USP34: variants seen among roughly 807,000 people sequenced by gnomAD.
USP34 encodes the protein ubiquitin specific peptidase 34.
In USP34, 70 loss-of-function variants were observed where a neutral mutation model predicts 460.3. The observed-to-expected ratio is 0.15, with a 90% CI of 0.13 to 0.19. The LOEUF is 0.19. Among genes scored for constraint, USP34 ranks in the 10% least tolerant of loss-of-function variants. The probability of loss-of-function intolerance (pLI) is 1.00; values close to 1 mark genes in which losing one functional copy is unlikely to be tolerated. For synonymous variants in USP34, 1,647 were observed against 1,405.3 expected (o/e 1.17, Z -3.85); for missense variants, 3,985 against 4,236.2 (o/e 0.94, Z 1.65).
chr2:61,259,554 A>T (rs1334925249), intron 44 of USP34, among the ~76,000 whole-genome samples, 157 bp downstream of exon 44: 1 of 147,160 alleles, frequency 6.8e-6, no homozygotes, highest in Admixed American at 6.8e-5. Context: ...TGCCTGGCTT[A>T]TTTTTTTTTT....
In USP34 at chr2:61,187,754, G is replaced by A; in HGVS notation, c.*348C>T. 1.9e-6 allele frequency: 1 copy of A among 525,776 alleles called. No homozygotes were observed. The highest frequency in any genetic ancestry group is 2.6e-6 in the Non-Finnish European group (1 of 388,448). The allele number at this position is 525,776 out of a possible 1,614,324, so 32.6% of individuals were successfully genotyped here. The stretch of plus-strand genomic sequence containing the variant: ...TATAAGGTACAAAACTGGCACAGAG[G>A]ACACCATATCATACACAGTAAAAAT... On this transcript the variant is annotated 3_prime_UTR_variant, in exon 80 of 80. Coordinates refer to ENST00000398571, the MANE Select transcript of USP34 (RefSeq NM_014709.4).
chr2:61,239,300 TCACACACA>T (rs60152908), intron 53 of USP34, among the ~76,000 whole-genome samples: 3,718 of 132,782 alleles, frequency 0.028, 91 homozygotes, highest in African/African-American at 0.072. Context: ...GAGGGCCCTG[TCACACACA>T]CACACACACA....
chr2:61,270,635 C>T (rs1394109052), intron 41 of USP34, among the ~76,000 whole-genome samples: 1 of 152,040 alleles, frequency 6.6e-6, no homozygotes, highest in East Asian at 1.9e-4. Context: ...TGGGTTTCAC[C>T]ACATTGGCCA....
chr2:61,228,209 T>G (rs1687786059), intron 61 of USP34, among the ~76,000 whole-genome samples: 2 of 152,202 alleles, frequency 1.3e-5, no homozygotes, highest in East Asian at 3.8e-4. Context: ...TGCAAGTAGA[T>G]CATACAACCT....
At chr2:61,452,917 A>G (rs547248184) in intron 1 of USP34, among the ~76,000 whole-genome samples, 2 of 149,046 alleles carry the variant, frequency 1.3e-5, no homozygotes, top group Non-Finnish European at 3.0e-5. Flanking sequence ...AAAAAAAAAA[A>G]AAAAAAAAAA....
At chr2:61,239,522 C>A (rs1688184191) in intron 53 of USP34, among the ~76,000 whole-genome samples, 1 of 152,036 alleles carries the variant, frequency 6.6e-6, no homozygotes, top group African/African-American at 2.4e-5. Flanking sequence ...AAAGGCTGTG[C>A]ACAAAAATGA....
intron 58 of USP34, among the ~76,000 whole-genome samples, chr2:61,231,332 G>A (rs1228959162): frequency 1.3e-5 from 2 of 152,040 alleles, no homozygotes; most frequent in Non-Finnish European, 2.9e-5. Flanking sequence ...AAATTAGGTA[G>A]TAGTGATGGC....
chr2:61,361,299 T>C (rs545333878), intron 10 of USP34, among the ~76,000 whole-genome samples: 1 of 152,288 alleles, frequency 6.6e-6, no homozygotes, highest in African/African-American at 2.4e-5. Flanking sequence ...CATGCTCTTG[T>C]AGTCCTAGCT....
chr2:61,369,553 G>C (rs564795312), intron 10 of USP34, among the ~76,000 whole-genome samples: 1 of 141,554 alleles, frequency 7.1e-6, no homozygotes, highest in East Asian at 2.3e-4. Flanking sequence ...TGAGGCAGGA[G>C]AATCACTTGA....
intron 1 of USP34, among the ~76,000 whole-genome samples, chr2:61,468,593 T>C (rs1325303946): frequency 6.6e-6 from 1 of 152,254 alleles, no homozygotes; most frequent in African/African-American, 2.4e-5. Flanking sequence ...TAGAGTCCAC[T>C]GGCTTACACA....
At chr2:61,446,270 T>C (rs554023190) in intron 1 of USP34, among the ~76,000 whole-genome samples, 12 of 152,304 alleles carry the variant, frequency 7.9e-5, no homozygotes, top group African/African-American at 2.4e-4. Context: ...TCTAGCTTAA[T>C]AGAAGATGGC....
chr2:61,311,828 G>C lies in USP34; in HGVS notation c.3625C>G (p.Leu1209Val). 1 of 1,614,026 alleles carries C rather than the reference G, an allele frequency of 6.2e-7. No individual in the cohort carries two copies. Among genetic ancestry groups the C allele is most frequent in the Non-Finnish European group, 8.5e-7 (1 of 1,179,940 alleles). Residue 1209 changes from leucine (L) to valine (V), a missense_variant, in exon 26 of 80, where the codon CTG becomes GTG. Coordinates refer to ENST00000398571, the MANE Select transcript of USP34 (RefSeq NM_014709.4). Reference sequence around the variant, plus strand: ...GGCTGGCATACAACCCTTAGCGGCAGAGACTGTTTGTCACTCAGTGCTTTC... The same window carrying C: ...GGCTGGCATACAACCCTTAGCGGCACAGACTGTTTGTCACTCAGTGCTTTC... The part of the protein sequence containing the change: ...HLKALSDKQS[L>V]PLRVVCQPAG...
chr2:61,212,013 A>T, intron 68 of USP34, 84 bp from the exon 69 acceptor site: 1 of 1,380,598 alleles, frequency 7.2e-7, no homozygotes, highest in East Asian at 2.6e-5. Context: ...TTCATTAATC[A>T]ACTCTTAAAA....
Position 61,349,298 on chromosome 2 carries a change from GA to G in USP34, c.1508-14del. On this transcript the variant is annotated splice_polypyrimidine_tract_variant and intron_variant, in intron 12 of 79. Coordinates refer to ENST00000398571, the MANE Select transcript of USP34 (RefSeq NM_014709.4). ...AGCTCTTCTTCCTCTGAAGGAAAAG[GA>G]AAAAACAGGAGAAAAACATTCTAAG... 6.2e-7 allele frequency: 1 copy of G among 1,611,750 alleles called. No individual in the cohort carries two copies.
At chr2:61,267,695 G>A (rs1013391319) in intron 41 of USP34, among the ~76,000 whole-genome samples, 3 of 152,084 alleles carry the variant, frequency 2.0e-5, no homozygotes, top group Middle Eastern at 3.4e-3. Flanking sequence ...CTCACCCCAA[G>A]CTCCACCTCC....
intron 64 of USP34, 96 bp downstream of exon 64, chr2:61,222,964 T>G (rs1284394728): frequency 2.2e-5 from 25 of 1,124,284 alleles, no homozygotes; most frequent in African/African-American, 4.7e-5. Flanking sequence ...CCCAAAGTGC[T>G]GGGATTACAG....
At chr2:61,437,054 A>G (rs1208920256) in intron 1 of USP34, among the ~76,000 whole-genome samples, 1 of 152,220 alleles carries the variant, frequency 6.6e-6, no homozygotes, top group Non-Finnish European at 1.5e-5. Context: ...GTGCACTGCT[A>G]AGAGGGAAGT....
intron 67 of USP34, 149 bp from the exon 68 acceptor site, chr2:61,214,843 C>G: frequency 1.1e-6 from 1 of 922,226 alleles, no homozygotes; most frequent in Non-Finnish European, 1.5e-6. Context: ...TTCTGCTTTC[C>G]CCTTGGCCCC....
At chr2:61,315,335 A>C (rs1333878433) in intron 23 of USP34, among the ~76,000 whole-genome samples, 1 of 152,152 alleles carries the variant, frequency 6.6e-6, no homozygotes, top group Non-Finnish European at 1.5e-5. Context: ...TTGTATTCAC[A>C]GAAAATTAAC....
Sources: allele counts gnomAD v4.1 joint callset (sites outside exome capture counted in the v4.1 genomes callset), GRCh38; gene constraint gnomAD v4.1.1; transcripts MANE v1.5; gene names NCBI Gene and HGNC (gene_info 2026-07-23, HGNC 2026-07-21).